TRMT11: variants seen among roughly 807,000 people sequenced by gnomAD.
The protein encoded by TRMT11 is tRNA (guanine(10)-N(2))-methyltransferase TRMT11.
TRMT11 carries 53 observed loss-of-function variants against 62.8 expected under a neutral mutation model. The observed-to-expected ratio is 0.84, with a 90% CI of 0.68 to 1.06. TRMT11 has a LOEUF of 1.06. Among genes scored for constraint, TRMT11 ranks in the 50% least tolerant of loss-of-function variants. The pLI is 0.00. For synonymous variants in TRMT11, 188 were observed against 190.3 expected, an observed-to-expected ratio of 0.99 and a Z score of 0.10; for missense variants, 556 against 553.4, an observed-to-expected ratio of 1.00 and a Z score of -0.05.
At chr6:126,159,387 G>A (rs772086240) in intron 21 of TRMT11, among the ~76,000 whole-genome samples, 4 of 152,064 alleles carry the variant, frequency 2.6e-5, no homozygotes, top group East Asian at 1.9e-4. Flanking sequence ...TAGACAATGC[G>A]TAAACAAATA....
intron 21 of TRMT11, among the ~76,000 whole-genome samples, chr6:126,130,199 C>T (rs900046982): frequency 1.3e-5 from 2 of 151,980 alleles, no homozygotes; most frequent in African/African-American, 4.8e-5. Context: ...ATATATCCAA[C>T]TGGAGGTAGA....
At chr6:126,074,811 A>G (rs1776966446) in intron 17 of TRMT11, among the ~76,000 whole-genome samples, 1 of 152,174 alleles carries the variant, frequency 6.6e-6, no homozygotes, top group Non-Finnish European at 1.5e-5. Context: ...TAGGGAAAAA[A>G]AGGAAATAAA....
intron 21 of TRMT11, among the ~76,000 whole-genome samples, chr6:126,143,555 AT>A (rs1288835548): frequency 6.6e-6 from 1 of 152,118 alleles, no homozygotes; most frequent in Non-Finnish European, 1.5e-5. Flanking sequence ...AGAATTAAGA[AT>A]TGTCTCTGTT....
intron 1 of TRMT11, among the ~76,000 whole-genome samples, chr6:125,991,212 C>T (rs1370262150): frequency 6.6e-6 from 1 of 151,150 alleles, no homozygotes; most frequent in South Asian, 2.1e-4. Context: ...CACCATCGCA[C>T]TCCAGCCCGG....
chr6:126,240,777 C>G, the TRMT11 span, among the ~76,000 whole-genome samples: 23 of 152,364 alleles, frequency 1.5e-4, no homozygotes, highest in African/African-American at 4.6e-4. Context: ...TTTCTGCTGC[C>G]TTTTGTTTGG....
chr6:126,208,211 C>T (rs1778807434), downstream of TRMT11, among the ~76,000 whole-genome samples: 1 of 152,180 alleles, frequency 6.6e-6, no homozygotes, highest in South Asian at 2.1e-4. Flanking sequence ...GCTCCTCTTA[C>T]TCTCTTTTTG....
intron 11 of TRMT11, among the ~76,000 whole-genome samples, chr6:126,015,525 A>C (rs893704244): frequency 6.6e-6 from 1 of 152,024 alleles, no homozygotes; most frequent in Non-Finnish European, 1.5e-5. Flanking sequence ...GCCTATCACT[A>C]ATCTTTTTGA....
At chr6:126,166,119 T>C (rs1211549982) in intron 21 of TRMT11, among the ~76,000 whole-genome samples, 1 of 152,136 alleles carries the variant, frequency 6.6e-6, no homozygotes, top group Non-Finnish European at 1.5e-5. Flanking sequence ...TTGTGCTGTG[T>C]TTTTCAGCTC....
chr6:126,061,492 T>G (rs1241837894), intron 17 of TRMT11, among the ~76,000 whole-genome samples: 1 of 152,184 alleles, frequency 6.6e-6, no homozygotes, highest in Non-Finnish European at 1.5e-5. Flanking sequence ...CAGGCTTCCT[T>G]ACTTTCTACT....
intron 21 of TRMT11, among the ~76,000 whole-genome samples, chr6:126,143,743 T>C (rs1181355406): frequency 6.6e-6 from 1 of 152,198 alleles, no homozygotes; most frequent in African/African-American, 2.4e-5. Context: ...ATTGTGAAAT[T>C]GGAAAAACTC....
rs1778627491 is a variant in TRMT11, at chr6:126,193,488, G to GTTTTTTTTTTTTTTTTTTT, written n.144-5310_144-5309insTTTTTTTTTTTTTTTTTTT. The stretch of plus-strand genomic sequence containing the variant: ...TAGGTTATTTAAGAGGAGCGTTTCT[G>GTTTTTTTTTTTTTTTTTTT]TATTTTTTTTTTTTTTTTTTTTTTT... On this transcript the variant is annotated intron_variant and non_coding_transcript_variant, in intron 1 of 3. Coordinates refer to the TRMT11 transcript ENST00000444229. Among the ~76,000 whole-genome samples the GTTTTTTTTTTTTTTTTTTT allele has an allele frequency of 4.8e-4, 57 of 118,106 alleles. 6 individuals are homozygous for GTTTTTTTTTTTTTTTTTTT. The highest frequency in any genetic ancestry group is 1.9e-3 in the African/African-American group (52 of 26,874). 77.5% of individuals were successfully genotyped at this position (118,106 alleles called of 152,430 possible).
In TRMT11 at chr6:126,191,645, G is replaced by C. The variant is rs1468889105; in HGVS notation, n.144-7154G>C. 4.6e-5 allele frequency among the ~76,000 whole-genome samples: 7 copies of C among 151,640 alleles called. No individual in the cohort carries two copies. In the East Asian group the frequency reaches 1.4e-3, roughly 29 times the overall value. On this transcript the variant is annotated intron_variant and non_coding_transcript_variant, in intron 1 of 3. Coordinates refer to the TRMT11 transcript ENST00000444229. ...GTATATTGTATAAGATGGGTATTTA[G>C]TTCCTTCTTCTGCATGTAGATATCT... is the stretch of plus-strand genomic sequence containing the variant.
At position 126,051,125 on chromosome 6, in the gene TRMT11, T is replaced by C. The variant is rs557776812; in HGVS notation, c.*1370-1998T>C. ...TTTTATATTGGGTTTAATAACTGTA[T>C]TGTGAGATATATTATTTATACCAAA... On this transcript the variant is annotated intron_variant and NMD_transcript_variant, in intron 16 of 22. Transcript: ENST00000648977. Among the ~76,000 whole-genome samples, 48 of 152,288 alleles carry C rather than the reference T, an allele frequency of 3.2e-4. 1 individual carries two copies. The highest frequency in any genetic ancestry group is 9.6e-4 in the African/African-American group (40 of 41,566).
At chr6:126,167,092 C>T (rs1019620292) in intron 21 of TRMT11, among the ~76,000 whole-genome samples, 2 of 152,128 alleles carry the variant, frequency 1.3e-5, no homozygotes, top group African/African-American at 4.8e-5. Context: ...TCTTGGCTCC[C>T]TGACTTCAGC....
chr6:126,043,800 G>A (rs1435522283), downstream of TRMT11, among the ~76,000 whole-genome samples: 3 of 150,504 alleles, frequency 2.0e-5, no homozygotes, highest in Non-Finnish European at 4.5e-5. Flanking sequence ...TTCTCTGATG[G>A]CCAGTGATGG....
At chr6:126,121,485 C>T (rs1285126691) in intron 21 of TRMT11, among the ~76,000 whole-genome samples, 1 of 152,086 alleles carries the variant, frequency 6.6e-6, no homozygotes, top group Non-Finnish European at 1.5e-5. Context: ...GGAAGAACAA[C>T]CTGTGCTTTC....
At chr6:126,042,995 T>A (rs1583836394), downstream of TRMT11, among the ~76,000 whole-genome samples, 1 of 152,166 alleles carries the variant, frequency 6.6e-6, no homozygotes, top group East Asian at 1.9e-4. Flanking sequence ...GAGTGACTTC[T>A]GCACAAAGAG....
the TRMT11 span, among the ~76,000 whole-genome samples, chr6:126,222,034 G>A: frequency 2.0e-5 from 3 of 152,312 alleles, no homozygotes; most frequent in East Asian, 5.8e-4. Context: ...CATATGGCTA[G>A]CCAGTTATTC....
At chr6:126,144,720 G>A (rs1221525726) in intron 21 of TRMT11, among the ~76,000 whole-genome samples, 1 of 152,104 alleles carries the variant, frequency 6.6e-6, no homozygotes, top group Non-Finnish European at 1.5e-5. Context: ...TTGTCAGGAA[G>A]GTACTAAAGG....
Sources: allele counts gnomAD v4.1 joint callset (sites outside exome capture counted in the v4.1 genomes callset), GRCh38; gene constraint gnomAD v4.1.1; transcripts MANE v1.5; gene names NCBI Gene and HGNC (gene_info 2026-07-23, HGNC 2026-07-21).